The following TFPI variants were observed in gnomAD, a reference collection of about 807,000 sequenced individuals.
The protein encoded by TFPI is tissue factor pathway inhibitor, also known as anti-convertin.
A neutral mutation model predicts 34.6 loss-of-function variants in TFPI; 15 were observed. The ratio of observed to expected loss-of-function variants is 0.43; its 90% CI spans 0.29 to 0.67. The LOEUF (loss-of-function observed/expected upper bound fraction) is 0.67. Ranked by LOEUF, TFPI falls within the 30% of genes least tolerant of loss-of-function variation. The probability of loss-of-function intolerance (pLI) is 0.15; values close to 1 mark genes in which losing one functional copy is unlikely to be tolerated. For missense variants in TFPI, 301 were observed against 364.0 expected, an observed-to-expected ratio of 0.83 and a Z score of 1.41; for synonymous variants, 105 against 120.1, an observed-to-expected ratio of 0.87 and a Z score of 0.82.
At chr2:187,497,389 A>G (rs1454324898) in intron 2 of TFPI, among the ~76,000 whole-genome samples, 29 of 152,054 alleles carry the variant, frequency 1.9e-4, no homozygotes, top group Admixed American at 1.9e-3. Context: ...CTTTTAACTC[A>G]GCTAATGGAC....
At chr2:187,533,602 A>C (rs568969988) in intron 1 of TFPI, among the ~76,000 whole-genome samples, 1 of 152,366 alleles carries the variant, frequency 6.6e-6, no homozygotes, top group South Asian at 2.1e-4. Flanking sequence ...ATCCAGAAAG[A>C]TGAGGAAAAA....
intron 1 of TFPI, among the ~76,000 whole-genome samples, chr2:187,503,975 C>T (rs1484836233): frequency 6.6e-6 from 1 of 151,994 alleles, no homozygotes; most frequent in East Asian, 1.9e-4. Context: ...ACATTCAGTG[C>T]ATATATTTAT....
intron 3 of TFPI, 142 bp downstream of exon 3, chr2:187,496,739 A>T: frequency 1.3e-6 from 1 of 758,808 alleles, no homozygotes; most frequent in Non-Finnish European, 2.0e-6. Flanking sequence ...GGATTCCCTG[A>T]AAGTCTAAAA....
intron 1 of TFPI, among the ~76,000 whole-genome samples, chr2:187,541,732 G>A (rs1283004084): frequency 1.3e-5 from 2 of 152,172 alleles, no homozygotes; most frequent in South Asian, 4.1e-4. Flanking sequence ...TGACTATGAG[G>A]TGACTGTGAA....
chr2:187,482,910 G>C (rs1016323957), intron 6 of TFPI, among the ~76,000 whole-genome samples: 2 of 151,814 alleles, frequency 1.3e-5, no homozygotes, highest in Non-Finnish European at 2.9e-5. Flanking sequence ...CACATATTAT[G>C]CTCCCTCGTA....
chr2:187,489,764 A>G (rs1002996521), intron 3 of TFPI, among the ~76,000 whole-genome samples: 23 of 151,660 alleles, frequency 1.5e-4, no homozygotes, highest in Admixed American at 1.4e-3. Flanking sequence ...AATTAACTCA[A>G]TGTGGTTTAG....
At chr2:187,480,347 A>G (rs1249666107) in intron 6 of TFPI, among the ~76,000 whole-genome samples, 1 of 152,136 alleles carries the variant, frequency 6.6e-6, no homozygotes. Context: ...CGAACTGACT[A>G]GATATCAGGC....
intron 3 of TFPI, among the ~76,000 whole-genome samples, chr2:187,493,793 A>G (rs1300045404): frequency 6.6e-6 from 1 of 152,200 alleles, no homozygotes; most frequent in Non-Finnish European, 1.5e-5. Flanking sequence ...GCTTTGCTCA[A>G]CTTCCCAAAA....
At chr2:187,476,862 T>G (rs898759601) in intron 6 of TFPI, among the ~76,000 whole-genome samples, 1 of 152,162 alleles carries the variant, frequency 6.6e-6, no homozygotes, top group Admixed American at 6.5e-5. Context: ...ATTAGTATTA[T>G]TTATTAGTTT....
intron 6 of TFPI, among the ~76,000 whole-genome samples, chr2:187,475,780 C>G (rs921090377): frequency 6.6e-6 from 1 of 152,076 alleles, no homozygotes; most frequent in Admixed American, 6.6e-5. Flanking sequence ...TGAAAACTAA[C>G]TAGAAAATTA....
In TFPI at chr2:187,496,865, G is replaced by A. The variant is rs773783196; in HGVS notation, c.319+16C>T. On this transcript the variant is annotated intron_variant, in intron 3 of 7. Coordinates refer to ENST00000233156, the MANE Select transcript of TFPI (RefSeq NM_006287.6). The stretch of plus-strand genomic sequence containing the variant: ...CCCTAAAGGGTCTTGAGTAATAAGG[G>A]TTCCCAGAAACCTACCTCTTGTACA... 1.1e-5 allele frequency: 17 copies of A among 1,611,334 alleles called. No individual in the cohort carries two copies. In the Middle Eastern group the frequency reaches 1.3e-3, roughly 125 times the overall value.
intron 6 of TFPI, 124 bp downstream of exon 6, chr2:187,484,000 C>A (rs1318625273): frequency 3.9e-6 from 3 of 761,046 alleles, no homozygotes; most frequent in Non-Finnish European, 6.4e-6. Context: ...TTTCAACAAA[C>A]ACATTATTAA....
At chr2:187,519,399 T>G (rs1687221778) in intron 1 of TFPI, 1 of 152,926 alleles carries the variant, frequency 6.5e-6, no homozygotes, top group African/African-American at 2.4e-5. Context: ...GTCAGGCTCC[T>G]CTGCTGCAGT....
intron 2 of TFPI, among the ~76,000 whole-genome samples, chr2:187,499,231 T>A (rs1685689739): frequency 6.6e-6 from 1 of 151,952 alleles, no homozygotes. Flanking sequence ...CTGGTACCTA[T>A]AAATATGAGC....
chr2:187,488,381 A>G lies in TFPI; in HGVS notation c.320-6T>C, dbSNP rs1410743264. On this transcript the variant is annotated splice_region_variant and splice_polypyrimidine_tract_variant and intron_variant, in intron 3 of 7. Transcript: ENST00000233156. ...TATAATCCTGTTTGCATTATCTGTA[A>G]TCAAAAGAATATATGCATATCAATT... The G allele has an allele frequency of 7.2e-6, 11 of 1,533,974 alleles. No individual in the cohort carries two copies. The highest frequency in any genetic ancestry group is 1.3e-5 in the South Asian group (1 of 76,606).
intron 6 of TFPI, among the ~76,000 whole-genome samples, chr2:187,482,587 A>T (rs1157363180): frequency 1.3e-5 from 2 of 152,046 alleles, no homozygotes; most frequent in African/African-American, 4.8e-5. Flanking sequence ...ACTCCCACTG[A>T]AAGTTTGCAT....
intron 3 of TFPI, among the ~76,000 whole-genome samples, chr2:187,489,500 G>A (rs1469906735): frequency 3.3e-5 from 5 of 151,284 alleles, no homozygotes; most frequent in African/African-American, 1.2e-4. Context: ...ATTGTAGACT[G>A]TCATATAACC....
chr2:187,545,631 A>G (rs781666160), intron 1 of TFPI, among the ~76,000 whole-genome samples: 62 of 152,278 alleles, frequency 4.1e-4, no homozygotes, highest in Non-Finnish European at 5.0e-4. Flanking sequence ...TTTGTCACCT[A>G]AAGTAAATTT....
At chr2:187,504,554 A>G (rs554393569) in intron 1 of TFPI, among the ~76,000 whole-genome samples, 10 of 148,238 alleles carry the variant, frequency 6.7e-5, no homozygotes, top group African/African-American at 9.8e-5. Flanking sequence ...TTAAAGATCT[A>G]TCGCCAAAAA....
Sources: gnomAD v4.1 joint callset for allele counts (sites outside exome capture counted in the v4.1 genomes callset) on GRCh38, gnomAD v4.1.1 for gene constraint, MANE v1.5 for transcripts, NCBI Gene and HGNC (gene_info 2026-07-23, HGNC 2026-07-21) for gene names.